The following ANO4 variants were observed in gnomAD, a reference collection of about 807,000 sequenced individuals.
ANO4 encodes the protein anoctamin 4.
Under a neutral mutation model 141.9 loss-of-function variants are expected in ANO4, and 69 were observed. That is an observed-to-expected ratio of 0.49 (90% CI 0.40 to 0.59). The LOEUF (loss-of-function observed/expected upper bound fraction) is 0.59. ANO4 is among the 20% of genes least tolerant of loss of function. The pLI, the probability that ANO4 is intolerant of heterozygous loss-of-function variation, is 0.00. For missense variants in ANO4, 894 were observed against 1,162.2 expected (o/e 0.77, Z 3.36); for synonymous variants, 350 against 394.3 (o/e 0.89, Z 1.33).
intron 3 of ANO4, among the ~76,000 whole-genome samples, chr12:100,755,281 C>A (rs556266527): frequency 6.6e-6 from 1 of 152,186 alleles, no homozygotes; most frequent in East Asian, 1.9e-4. Flanking sequence ...GCCTTGTTTC[C>A]CTTCTTTCTT....
chr12:100,731,411 G>C (rs943311825), intron 1 of ANO4, among the ~76,000 whole-genome samples: 1 of 152,152 alleles, frequency 6.6e-6, no homozygotes, highest in African/African-American at 2.4e-5. Flanking sequence ...TTACAGAAGA[G>C]TTCCCAAACC....
chr12:100,848,359 A>G (rs1171216872), intron 1 of ANO4, among the ~76,000 whole-genome samples: 1 of 152,236 alleles, frequency 6.6e-6, no homozygotes, highest in Admixed American at 6.5e-5. Context: ...TGAGGTGTAT[A>G]TATCAGAGAT....
Position 101,011,320 on chromosome 12 carries a change from T to C in ANO4, c.735-8714T>C, listed in dbSNP as rs1173661436. Among the ~76,000 whole-genome samples, 28 of 149,254 alleles carry C rather than the reference T, an allele frequency of 1.9e-4. 1 individual carries two copies. Among genetic ancestry groups the C allele is most frequent in the South Asian group, 2.1e-4 (1 of 4,744 alleles). ...TAGGAGGAATCATGGCCTTTTTTCT[T>C]TTTTTTTTTTTTTTTGCAATCTACC... On this transcript the variant is annotated intron_variant, in intron 8 of 27. Transcript: ENST00000392977.
At chr12:100,992,556 T>C (rs2045186063) in intron 8 of ANO4, among the ~76,000 whole-genome samples, 1 of 152,220 alleles carries the variant, frequency 6.6e-6, no homozygotes, top group Non-Finnish European at 1.5e-5. Context: ...CCACTAATCC[T>C]TCCAAAGATT....
intron 14 of ANO4, among the ~76,000 whole-genome samples, chr12:101,053,794 A>C (rs12815184): frequency 0.12 from 18,993 of 152,264 alleles, 1,384 homozygotes; most frequent in Middle Eastern, 0.19. Flanking sequence ...GACACAGTTC[A>C]ACCCATAGCA....
chr12:100,921,868 G>A (rs1255990969), intron 2 of ANO4, among the ~76,000 whole-genome samples: 1 of 152,064 alleles, frequency 6.6e-6, no homozygotes, highest in African/African-American at 2.4e-5. Flanking sequence ...TTGTGTTAAT[G>A]TCACATTTAA....
chr12:100,843,376 G>T (rs900494141), intron 1 of ANO4, among the ~76,000 whole-genome samples: 3 of 152,052 alleles, frequency 2.0e-5, no homozygotes, highest in Non-Finnish European at 2.9e-5. Flanking sequence ...CTATAATATT[G>T]TAACTCTGTA....
At chr12:100,991,562 G>A (rs1262408975) in intron 8 of ANO4, among the ~76,000 whole-genome samples, 1 of 144,618 alleles carries the variant, frequency 6.9e-6, no homozygotes, top group Non-Finnish European at 1.5e-5. Context: ...TTTAATAAGT[G>A]TTTCATCAGA....
intron 3 of ANO4, among the ~76,000 whole-genome samples, chr12:100,770,304 A>C (rs889273408): frequency 1.3e-5 from 2 of 152,224 alleles, no homozygotes; most frequent in Non-Finnish European, 2.9e-5. Flanking sequence ...ATGGGCCTGA[A>C]AATCTGCATT....
intron 3 of ANO4, among the ~76,000 whole-genome samples, chr12:100,775,017 CTTT>C (rs1225788489): frequency 1.3e-5 from 2 of 152,194 alleles, no homozygotes; most frequent in African/African-American, 2.4e-5. Flanking sequence ...TGTTGTACTT[CTTT>C]GAGGCAAAGA....
chr12:101,009,817 T>C (rs919868832), intron 8 of ANO4, among the ~76,000 whole-genome samples: 1 of 152,146 alleles, frequency 6.6e-6, no homozygotes, highest in African/African-American at 2.4e-5. Context: ...ATTTATTCCT[T>C]TTTTGTCTTT....
chr12:100,784,030 C>T (rs1295310212), intron 3 of ANO4, among the ~76,000 whole-genome samples: 14 of 152,098 alleles, frequency 9.2e-5, no homozygotes, highest in East Asian at 1.9e-4. Flanking sequence ...CTGCTGCCTA[C>T]GGCAAGTGCA....
At chr12:100,936,521 A>G (rs2136156140) in intron 3 of ANO4, among the ~76,000 whole-genome samples, 1 of 152,326 alleles carries the variant, frequency 6.6e-6, no homozygotes, top group East Asian at 1.9e-4. Context: ...AGTAATATTG[A>G]TAGAAGATGA....
At chr12:101,098,552 G>C (rs1420025478) in intron 21 of ANO4, among the ~76,000 whole-genome samples, 1 of 152,194 alleles carries the variant, frequency 6.6e-6, no homozygotes, top group African/African-American at 2.4e-5. Context: ...AGAACGATTA[G>C]TGGGAACTTG....
chr12:101,037,235 G>A, intron 10 of ANO4, 85 bp downstream of exon 10: 2 of 1,392,634 alleles, frequency 1.4e-6, no homozygotes, highest in East Asian at 2.3e-5. Context: ...AATTGAATTT[G>A]TTGACATTTG....
chr12:100,745,291 A>C (rs1440002380), intron 3 of ANO4, among the ~76,000 whole-genome samples: 2 of 152,104 alleles, frequency 1.3e-5, no homozygotes, highest in Admixed American at 6.5e-5. Context: ...TTCAAACTCA[A>C]TTAAGAGTTT....
chr12:101,101,762 C>T (rs1453702794), intron 22 of ANO4, among the ~76,000 whole-genome samples: 1 of 151,678 alleles, frequency 6.6e-6, no homozygotes, highest in Non-Finnish European at 1.5e-5. Flanking sequence ...TGTGAGTTTG[C>T]AGATCTTCTA....
chr12:101,119,949 A>G (rs970957879), intron 25 of ANO4, among the ~76,000 whole-genome samples: 1 of 152,178 alleles, frequency 6.6e-6, no homozygotes, highest in Admixed American at 6.5e-5. Context: ...TGGAGGATAC[A>G]TTAGGAAGGA....
chr12:101,127,384 G>A (rs1384456939), intron 27 of ANO4, among the ~76,000 whole-genome samples: 2 of 152,056 alleles, frequency 1.3e-5, no homozygotes, highest in African/African-American at 4.8e-5. Context: ...CTCCAGCCGG[G>A]CTGTTTTCTT....
Sources: allele counts gnomAD v4.1 joint callset (sites outside exome capture counted in the v4.1 genomes callset), GRCh38; gene constraint gnomAD v4.1.1; transcripts MANE v1.5; gene names NCBI Gene and HGNC (gene_info 2026-07-23, HGNC 2026-07-21).